The following SSBP4 variants were observed in gnomAD, a reference collection of about 807,000 sequenced individuals.
The protein encoded by SSBP4 is single stranded DNA binding protein 4, also known as single-stranded DNA-binding protein 4.
In SSBP4, 33 loss-of-function variants were observed where a neutral mutation model predicts 64.6. That is an observed-to-expected ratio of 0.51 (90% confidence interval 0.39 to 0.68). SSBP4 has a LOEUF of 0.68. Ranked by LOEUF, SSBP4 falls within the 30% of genes least tolerant of loss-of-function variation. SSBP4 has a pLI of 0.00. For synonymous variants in SSBP4, 243 were observed against 224.0 expected, an observed-to-expected ratio of 1.08 and a Z score of -0.76; for missense variants, 583 against 566.8, an observed-to-expected ratio of 1.03 and a Z score of -0.29.
the SSBP4 span, among the ~76,000 whole-genome samples, chr19:18,405,381 C>T: frequency 6.6e-6 from 1 of 152,166 alleles, no homozygotes; most frequent in Non-Finnish European, 1.5e-5. Context: ...CTCCCCCACG[C>T]CAGGCGTGAT....
intron 4 of SSBP4, among the ~76,000 whole-genome samples, chr19:18,430,185 C>T (rs1475849661): frequency 2.0e-5 from 3 of 152,144 alleles, no homozygotes; most frequent in Non-Finnish European, 4.4e-5. Flanking sequence ...TGTTCCTCTG[C>T]CCTCATAGAC....
intron 4 of SSBP4, among the ~76,000 whole-genome samples, chr19:18,428,666 T>G (rs1600323154): frequency 6.6e-6 from 1 of 151,962 alleles, no homozygotes; most frequent in Non-Finnish European, 1.5e-5. Flanking sequence ...GGTGGGCGTC[T>G]GGGGGGCGCC....
At chr19:18,430,327 C>T (rs925698659) in intron 4 of SSBP4, among the ~76,000 whole-genome samples, 1 of 152,154 alleles carries the variant, frequency 6.6e-6, no homozygotes, top group Non-Finnish European at 1.5e-5. Flanking sequence ...CTGGCAGATA[C>T]AGGAAGCCCC....
At chr19:18,419,237 G>T (rs1275994042), upstream of SSBP4, 1 of 989,204 alleles carries the variant, frequency 1.0e-6, no homozygotes, top group Non-Finnish European at 1.2e-6. Context: ...TGACCCGCGA[G>T]TGTGTAGCCG....
At chr19:18,431,734 C>T in intron 7 of SSBP4, 28 bp downstream of exon 7, 1 of 1,543,490 alleles carries the variant, frequency 6.5e-7, no homozygotes, top group Non-Finnish European at 8.8e-7. Flanking sequence ...GGAGGGCGGG[C>T]AGGAGCTGGG....
rs774692159 is a variant in SSBP4, at chr19:18,427,716, T to G, written c.133-36T>G. ...TGCTGGGTGGTGGGGCAGGGTCAGG[T>G]AGGGCCACCCCCTCACCACCTTCCT... On this transcript the variant is annotated intron_variant, in intron 2 of 17. Coordinates refer to ENST00000270061, the MANE Select transcript of SSBP4 (RefSeq NM_032627.5). This position sits in a 1 kb window ranked among gnomAD's most constrained non-coding sequence, Gnocchi z 4.4. 4 of 1,552,650 alleles carry G rather than the reference T, an allele frequency of 2.6e-6. No homozygotes were observed. The highest frequency in any genetic ancestry group is 3.5e-6 in the Non-Finnish European group (4 of 1,144,436).
chr19:18,427,775 G>A lies in SSBP4; in HGVS notation c.156G>A (p.Thr52=), dbSNP rs751405520. The change falls in exon 3 of 18, where the codon ACG becomes ACA. Residue 52 remains threonine (T), a synonymous_variant. Coordinates refer to ENST00000270061, the MANE Select transcript of SSBP4 (RefSeq NM_032627.5). This position sits in a 1 kb window ranked among gnomAD's most constrained non-coding sequence, Gnocchi z 4.4. ...AGATCCGATGGGAGAAGAACATCACGCTGGGGGAGCCCCCTGGGTTCCTGC... is the reference window on the plus strand; with the variant it reads ...AGATCCGATGGGAGAAGAACATCACACTGGGGGAGCCCCCTGGGTTCCTGC... The part of the protein sequence containing the change: ...LSEIRWEKNI[T]LGEPPGFLHS... 11 of 1,603,522 alleles carry A rather than the reference G, an allele frequency of 6.9e-6. No individual in the cohort carries two copies. The South Asian group carries it at 1.1e-4, about 16-fold the overall frequency.
At chr19:18,430,784 G>A in intron 4 of SSBP4, 57 bp from the exon 5 acceptor site, 4 of 1,508,008 alleles carry the variant, frequency 2.7e-6, no homozygotes, top group South Asian at 1.2e-5. Flanking sequence ...GCACACCCCA[G>A]GTAGGAAGTG....
Position 18,433,195 on chromosome 19 carries a change from C to G in SSBP4, c.973C>G (p.His325Asp). Residue 325 changes from histidine (H) to aspartate (D), a missense_variant, in exon 15 of 18, where the codon CAC (histidine) becomes GAC (aspartate). Physicochemically the swap from His to Asp is moderately conservative, Grantham distance 81. This residue lies in a region of SSBP4 where 444 missense variants were observed against 386.6 expected (regional missense o/e 1.15). Coordinates refer to ENST00000270061, the MANE Select transcript of SSBP4 (RefSeq NM_032627.5). ...CGCCATGAGCGCGATGGAGCCTCAC[C>G]ACGTGAACGGATCCCTGGGTGAGTG... The part of the protein sequence containing the change: ...MAAMSAMEPH[H>D]VNGSLGSGDM... 2 of 1,576,898 alleles carry G rather than the reference C, an allele frequency of 1.3e-6. No individual in the cohort carries two copies. Among genetic ancestry groups the G allele is most frequent in the Non-Finnish European group, 8.6e-7 (1 of 1,162,076 alleles).
At chr19:18,410,080 G>C in the SSBP4 span, among the ~76,000 whole-genome samples, 3 of 152,180 alleles carry the variant, frequency 2.0e-5, no homozygotes, top group African/African-American at 7.2e-5. Context: ...TGCAAGCTCC[G>C]CCTCCCGGGT....
chr19:18,432,518 A>C, intron 10 of SSBP4, 41 bp from the exon 11 acceptor site: 1 of 1,541,032 alleles, frequency 6.5e-7, no homozygotes. Flanking sequence ...TGTGATCCAC[A>C]TGGACTAGCC....
At chr19:18,416,562 T>C (rs1169564370), upstream of SSBP4, among the ~76,000 whole-genome samples, 4 of 152,044 alleles carry the variant, frequency 2.6e-5, no homozygotes, top group African/African-American at 9.7e-5. Flanking sequence ...CTAATGCTCT[T>C]AGAAAAAAAT....
the SSBP4 span, among the ~76,000 whole-genome samples, chr19:18,408,275 G>A: frequency 1.3e-5 from 2 of 152,086 alleles, no homozygotes; most frequent in East Asian, 1.9e-4. Context: ...AAATGCCTCC[G>A]CTCCCTCCAC....
the SSBP4 span, among the ~76,000 whole-genome samples, chr19:18,405,085 C>A: frequency 1.3e-5 from 2 of 151,828 alleles, no homozygotes; most frequent in Non-Finnish European, 2.9e-5. Context: ...TCACCCAACA[C>A]CCTCAGGTCC....
At chr19:18,433,929 C>T in intron 17 of SSBP4, 112 bp downstream of exon 17, 4 of 1,250,774 alleles carry the variant, frequency 3.2e-6, no homozygotes, top group Non-Finnish European at 3.0e-6. Flanking sequence ...CCGCGGCGGG[C>T]CAGGTGGGGG....
At chr19:18,428,735 C>T (rs150558899) in intron 4 of SSBP4, among the ~76,000 whole-genome samples, 215 of 152,266 alleles carry the variant, frequency 1.4e-3, no homozygotes, top group African/African-American at 5.0e-3. Context: ...AAGGCAGAGG[C>T]GGCCCGAGGG....
At chr19:18,402,956 T>G in the SSBP4 span, among the ~76,000 whole-genome samples, 25 of 152,270 alleles carry the variant, frequency 1.6e-4, no homozygotes, top group East Asian at 4.8e-3. Context: ...GAGGAAGGCC[T>G]CTGTCTCCTG....
rs755613821 is a variant in SSBP4, at chr19:18,433,038, G to T, written c.907G>T (p.Ala303Ser). The T allele has an allele frequency of 1.2e-6, 2 of 1,614,044 alleles. No individual in the cohort carries two copies. Among genetic ancestry groups the T allele is most frequent in the Admixed American group, 3.3e-5 (2 of 60,028 alleles). The change falls in exon 14 of 18, where the codon GCT becomes TCT. Residue 303 changes from alanine (A) to serine (S), a missense_variant. Physicochemically the swap from Ala to Ser is moderately conservative, Grantham distance 99. Coordinates refer to ENST00000270061, the MANE Select transcript of SSBP4 (RefSeq NM_032627.5). ...CCCCATCGGGCAGGGCGCCGGCAGG[G>T]CTAATGTGAGTGGGGGCTTGCAGGG... The part of the protein sequence containing the change: ...MNPIGQGAGR[A>S]NFPLGPGPEG...
chr19:18,406,687 C>T, the SSBP4 span, among the ~76,000 whole-genome samples: 1 of 151,926 alleles, frequency 6.6e-6, no homozygotes, highest in African/African-American at 2.4e-5. Context: ...AAAGTCTGCC[C>T]GCAGGTCCGC....
Sources: gnomAD v4.1 joint callset for allele counts (sites outside exome capture counted in the v4.1 genomes callset) on GRCh38, gnomAD v4.1.1 for gene constraint, gnomAD v4.1.1 regional missense constraint, Gnocchi (gnomAD v3.1) non-coding constraint, MANE v1.5 for transcripts, NCBI Gene and HGNC (gene_info 2026-07-23, HGNC 2026-07-21) for gene names.